Variants in ZNF710 observed in about 807,000 individuals in gnomAD.
ZNF710 encodes the protein zinc finger protein 710.
A neutral mutation model predicts 50.6 loss-of-function variants in ZNF710; 13 were observed. The observed-to-expected ratio is 0.26, with a 90% CI of 0.17 to 0.41. The LOEUF is 0.41. ZNF710 is among the 10% of genes least tolerant of loss of function. ZNF710 has a pLI of 1.00. For synonymous variants in ZNF710, 383 were observed against 397.0 expected (o/e 0.96, Z 0.42); for missense variants, 721 against 936.6 (o/e 0.77, Z 3.01).
upstream of ZNF710, among the ~76,000 whole-genome samples, chr15:89,998,420 C>A (rs554089077): frequency 6.6e-6 from 1 of 152,318 alleles, no homozygotes; most frequent in South Asian, 2.1e-4. Flanking sequence ...AACCAGTCAT[C>A]AAGCTCTGGT....
intron 1 of ZNF710, among the ~76,000 whole-genome samples, chr15:90,064,055 CCTT>C (rs1900095271): frequency 1.3e-5 from 2 of 152,252 alleles, no homozygotes; most frequent in Admixed American, 6.5e-5. Flanking sequence ...CTCAGTTCCT[CCTT>C]CTTGCTGGTC....
chr15:90,049,643 C>T (rs777528599), intron 1 of ZNF710, among the ~76,000 whole-genome samples: 5 of 152,310 alleles, frequency 3.3e-5, no homozygotes, highest in Admixed American at 2.6e-4. Flanking sequence ...GAGCTGACCA[C>T]GTTGGGTACC....
intron 1 of ZNF710, among the ~76,000 whole-genome samples, chr15:90,058,943 C>G (rs1009751565): frequency 6.6e-6 from 1 of 152,128 alleles, no homozygotes; most frequent in Non-Finnish European, 1.5e-5. Flanking sequence ...TATGGAGGGT[C>G]ATCTGCTTTT....
intron 1 of ZNF710, among the ~76,000 whole-genome samples, chr15:90,004,067 C>A (rs990164157): frequency 2.5e-4 from 38 of 152,210 alleles, no homozygotes; most frequent in Middle Eastern, 3.4e-3. Flanking sequence ...CCTCAGCCCA[C>A]GGTGTGTGGT....
rs1270840832 is a variant in ZNF710 at position 90,079,958 on chromosome 15, G to A, written c.*129G>A. On this transcript the variant is annotated 3_prime_UTR_variant, in exon 5 of 5. Coordinates refer to ENST00000268154, the MANE Select transcript of ZNF710 (RefSeq NM_198526.4). The stretch of plus-strand genomic sequence containing the variant: ...CCACTGTTCTGAGCCCTCCCTCCCC[G>A]AGTCATTTGCACCACTAGGGACCTT... 4 of 909,368 alleles carry A rather than the reference G, an allele frequency of 4.4e-6. No individual in the cohort carries two copies. Among genetic ancestry groups the A allele is most frequent in the Admixed American group, 3.4e-5 (1 of 29,228 alleles). The allele number at this position is 909,368 out of a possible 1,614,324, so 56.3% of individuals were successfully genotyped here.
intron 1 of ZNF710, among the ~76,000 whole-genome samples, chr15:90,006,192 T>G (rs1898136859): frequency 6.6e-6 from 1 of 151,932 alleles, no homozygotes; most frequent in African/African-American, 2.4e-5. Context: ...TCAAGCAGAG[T>G]GGCTGTTGTG....
chr15:90,055,612 A>T (rs886975713), intron 1 of ZNF710, among the ~76,000 whole-genome samples: 3 of 152,356 alleles, frequency 2.0e-5, no homozygotes, highest in South Asian at 4.1e-4. Flanking sequence ...GACTATTAGC[A>T]TGCTAGGGCA....
chr15:90,000,628 T>TA (rs1244952864), upstream of ZNF710, among the ~76,000 whole-genome samples: 1 of 152,194 alleles, frequency 6.6e-6, no homozygotes, highest in African/African-American at 2.4e-5. Flanking sequence ...AACAGCTGTT[T>TA]AAAGGCTTTT....
intron 1 of ZNF710, among the ~76,000 whole-genome samples, chr15:90,051,147 G>A (rs1021960244): frequency 6.6e-6 from 1 of 151,858 alleles, no homozygotes; most frequent in African/African-American, 2.4e-5. Context: ...GCTGAGGCAG[G>A]AGAATCGCTT....
intron 1 of ZNF710, among the ~76,000 whole-genome samples, chr15:90,050,190 C>T (rs1340626360): frequency 6.6e-6 from 1 of 152,214 alleles, no homozygotes; most frequent in Non-Finnish European, 1.5e-5. Context: ...AATCCGTACT[C>T]GAGCTGGGTG....
At position 90,081,795 on chromosome 15, in the gene ZNF710, G is replaced by A. The variant is rs1900727790; in HGVS notation, c.*1966G>A. On this transcript the variant is annotated 3_prime_UTR_variant, in exon 5 of 5. Coordinates refer to ENST00000268154, the MANE Select transcript of ZNF710 (RefSeq NM_198526.4). Reference sequence around the variant, plus strand: ...TGGCCTTGGTCTTGGAAACTGAAGGGAGAAGGTCTGGCCCCCAGGGTGGGG... The same window carrying A: ...TGGCCTTGGTCTTGGAAACTGAAGGAAGAAGGTCTGGCCCCCAGGGTGGGG... The A allele has an allele frequency of 6.6e-6, 1 of 152,422 alleles. No homozygotes were observed. Among genetic ancestry groups the A allele is most frequent in the Non-Finnish European group, 1.5e-5 (1 of 68,178 alleles). 9.4% of individuals were successfully genotyped at this position (152,422 alleles called of 1,614,324 possible).
chr15:90,067,954 C>T lies in ZNF710; in HGVS notation c.817C>T (p.Arg273Trp), dbSNP rs1900243033. The T allele has an allele frequency of 3.1e-6, 5 of 1,613,930 alleles. No individual in the cohort carries two copies. Among genetic ancestry groups the T allele is most frequent in the African/African-American group, 1.3e-5 (1 of 74,944 alleles). Reference protein sequence around the residue: ...VERHKKAQLDRLDINVQIDDS... With the variant: ...VERHKKAQLDWLDINVQIDDS... ...ACGCCACAAGAAGGCCCAGCTGGAT[C>T]GGCTGGACATCAACGTGCAGATTGA... Residue 273 changes from arginine (R) to tryptophan (W), a missense_variant, in exon 2 of 5, where the codon CGG (arginine) becomes TGG (tryptophan). Arg to Trp is a moderately radical substitution (Grantham distance 101). Around this residue, in one of 3 missense-constraint regions of ZNF710, gnomAD observed 326 missense variants for 522.0 expected, o/e 0.62. Transcript: ENST00000268154. This position sits in a 1 kb window ranked among gnomAD's most constrained non-coding sequence, Gnocchi z 8.1.
At chr15:90,023,139 C>G (rs538970991) in intron 1 of ZNF710, among the ~76,000 whole-genome samples, 2 of 152,042 alleles carry the variant, frequency 1.3e-5, no homozygotes, top group Non-Finnish European at 2.9e-5. Flanking sequence ...CCCAAGGCCT[C>G]GCACCTATAA....
chr15:90,027,275 A>G (rs1898807529), intron 1 of ZNF710, among the ~76,000 whole-genome samples: 1 of 151,826 alleles, frequency 6.6e-6, no homozygotes, highest in African/African-American at 2.4e-5. Context: ...CAATGGCGAG[A>G]TCTCAGCTCA....
chr15:90,005,214 G>A (rs1484903627), intron 1 of ZNF710, among the ~76,000 whole-genome samples: 1 of 152,130 alleles, frequency 6.6e-6, no homozygotes, highest in East Asian at 1.9e-4. Context: ...GCCCTCAGTA[G>A]ATACTTGCTG....
At chr15:90,061,344 T>G (rs890249430) in intron 1 of ZNF710, among the ~76,000 whole-genome samples, 6 of 120,476 alleles carry the variant, frequency 5.0e-5, no homozygotes, top group African/African-American at 3.7e-4. Flanking sequence ...AATTTTTGCA[T>G]TTTTTTTTGC....
rs1250830142 is a variant in ZNF710 at position 90,073,140 on chromosome 15, A to G, written c.1528A>G (p.Met510Val). 6.2e-6 allele frequency: 10 copies of G among 1,614,068 alleles called. No individual in the cohort carries two copies. The highest frequency in any genetic ancestry group is 7.6e-6 in the Non-Finnish European group (9 of 1,180,038). ...CCTACAGGCGAACATGAAGCGGCACATGCTGATCCACACCAGCGTCCGGCC... is the reference window on the plus strand; with the variant it reads ...CCTACAGGCGAACATGAAGCGGCACGTGCTGATCCACACCAGCGTCCGGCC... ...FTLQANMKRH[M>V]LIHTSVRPYQ... The change falls in exon 3 of 5, where the codon ATG (methionine) becomes GTG (valine). Residue 510 changes from methionine to valine, a missense_variant. By Grantham distance (21) the Met-to-Val change is conservative. Around this residue, in one of 3 missense-constraint regions of ZNF710, gnomAD observed 326 missense variants for 522.0 expected, o/e 0.62. Transcript: ENST00000268154.
chr15:90,067,563 G>A lies in ZNF710; in HGVS notation c.426G>A (p.Ala142=), dbSNP rs529615287. 134 of 1,611,130 alleles carry A rather than the reference G, an allele frequency of 8.3e-5. No homozygotes were observed. Among genetic ancestry groups the A allele is most frequent in the Non-Finnish European group, 1.0e-4 (123 of 1,178,716 alleles). The part of the protein sequence containing the change: ...DAGPAEAPAE[A]ASGGCDALVQ... ...GGCCAGCAGAAGCCCCCGCCGAGGCGGCCAGTGGCGGCTGCGACGCCCTGG... is the reference window on the plus strand; with the variant it reads ...GGCCAGCAGAAGCCCCCGCCGAGGCAGCCAGTGGCGGCTGCGACGCCCTGG... Residue 142 remains alanine, a synonymous_variant, in exon 2 of 5, where the codon GCG becomes GCA. Coordinates refer to ENST00000268154, the MANE Select transcript of ZNF710 (RefSeq NM_198526.4). This position sits in a 1 kb window ranked among gnomAD's most constrained non-coding sequence, Gnocchi z 8.1.
In ZNF710 at chr15:90,040,116, G is replaced by T. The variant is rs141003298; in HGVS notation, c.-28-26994G>T. Reference sequence around the variant, plus strand: ...GAGAACCAGAGCCTGGGGGCACTTTGTGCATGGTGGCCATACTGCTGGATG... The same window carrying T: ...GAGAACCAGAGCCTGGGGGCACTTTTTGCATGGTGGCCATACTGCTGGATG... On this transcript the variant is annotated intron_variant, in intron 1 of 4. Coordinates refer to ENST00000268154, the MANE Select transcript of ZNF710 (RefSeq NM_198526.4). The surrounding 1 kb of genome is among the most constrained non-coding windows in gnomAD (Gnocchi z 4.6). 1.5e-4 allele frequency among the ~76,000 whole-genome samples: 23 copies of T among 152,346 alleles called. No individual in the cohort carries two copies. Among genetic ancestry groups the T allele is most frequent in the Non-Finnish European group, 2.8e-4 (19 of 68,016 alleles).
Sources: gnomAD v4.1 joint callset for allele counts (sites outside exome capture counted in the v4.1 genomes callset) on GRCh38, gnomAD v4.1.1 for gene constraint, gnomAD v4.1.1 regional missense constraint, Gnocchi (gnomAD v3.1) non-coding constraint, MANE v1.5 for transcripts, NCBI Gene and HGNC (gene_info 2026-07-23, HGNC 2026-07-21) for gene names.